The following DNAJC5B variants were observed in gnomAD, a reference collection of about 807,000 sequenced individuals.
DNAJC5B encodes DnaJ heat shock protein family (Hsp40) member C5 beta.
DNAJC5B carries 23 observed loss-of-function variants against 24.7 expected under a neutral mutation model. The observed-to-expected ratio is 0.93, with a 90% CI of 0.67 to 1.32. DNAJC5B has a LOEUF of 1.32. DNAJC5B is among the 40% of genes most tolerant of loss of function. The pLI, the probability that DNAJC5B is intolerant of heterozygous loss-of-function variation, is 0.00. For synonymous variants in DNAJC5B, 101 were observed against 90.1 expected, an observed-to-expected ratio of 1.12 and a Z score of -0.68; for missense variants, 238 against 240.8, an observed-to-expected ratio of 0.99 and a Z score of 0.08.
At chr8:66,083,007 T>TG (rs1258594516) in intron 5 of DNAJC5B, among the ~76,000 whole-genome samples, 1 of 126,160 alleles carries the variant, frequency 7.9e-6, no homozygotes, top group Non-Finnish European at 1.6e-5. Flanking sequence ...TCTTTTCTTT[T>TG]TTTTTTTTTT....
upstream of DNAJC5B, among the ~76,000 whole-genome samples, chr8:66,018,999 G>A (rs975659880): frequency 1.3e-5 from 2 of 152,180 alleles, no homozygotes; most frequent in African/African-American, 4.8e-5. Flanking sequence ...GCTTCTGTGT[G>A]CTCCAGGTGT....
intron 3 of DNAJC5B, among the ~76,000 whole-genome samples, chr8:66,056,314 G>T (rs1426330096): frequency 6.6e-6 from 1 of 152,126 alleles, no homozygotes; most frequent in Non-Finnish European, 1.5e-5. Context: ...CCAATTGAAA[G>T]CTCCCCATCA....
chr8:66,062,876 G>A (rs1807114506), intron 3 of DNAJC5B, among the ~76,000 whole-genome samples: 1 of 152,150 alleles, frequency 6.6e-6, no homozygotes, highest in Non-Finnish European at 1.5e-5. Context: ...CAGGCTTGGT[G>A]GCATGTGCCT....
intron 1 of DNAJC5B, among the ~76,000 whole-genome samples, chr8:66,026,248 G>T (rs2128955650): frequency 6.6e-6 from 1 of 150,560 alleles, no homozygotes; most frequent in East Asian, 1.9e-4. Flanking sequence ...GTATAAGAAT[G>T]CTTGTGATTT....
At chr8:66,041,373 AATTG>A (rs1206666928) in intron 1 of DNAJC5B, among the ~76,000 whole-genome samples, 7 of 152,188 alleles carry the variant, frequency 4.6e-5, no homozygotes, top group Admixed American at 2.0e-4. Flanking sequence ...ATATTCAAAT[AATTG>A]ATCTGGTACC....
chr8:66,050,525 T>C (rs1806822789), intron 2 of DNAJC5B, among the ~76,000 whole-genome samples: 1 of 152,114 alleles, frequency 6.6e-6, no homozygotes, highest in Non-Finnish European at 1.5e-5. Flanking sequence ...ATCTGATAGA[T>C]AGTTCTATAT....
intron 5 of DNAJC5B, among the ~76,000 whole-genome samples, chr8:66,088,445 G>A (rs749310850): frequency 9.2e-5 from 14 of 152,152 alleles, no homozygotes; most frequent in Admixed American, 2.0e-4. Flanking sequence ...TCAGCTTCTC[G>A]TTACTTATGC....
upstream of DNAJC5B, among the ~76,000 whole-genome samples, chr8:66,020,914 AG>A (rs947326040): frequency 7.9e-5 from 12 of 152,294 alleles, no homozygotes; most frequent in Non-Finnish European, 1.6e-4. Context: ...CTGGGATTAC[AG>A]GCATGAGCCA....
chr8:66,094,332 A>G (rs900824216), intron 5 of DNAJC5B, among the ~76,000 whole-genome samples: 1 of 152,058 alleles, frequency 6.6e-6, no homozygotes, highest in Admixed American at 6.5e-5. Context: ...TTCACCATTT[A>G]TTAGCTTTCA....
upstream of DNAJC5B, among the ~76,000 whole-genome samples, chr8:66,019,863 T>C (rs543978500): frequency 3.7e-4 from 57 of 152,384 alleles, no homozygotes; most frequent in Non-Finnish European, 6.5e-4. Flanking sequence ...ATAATGGTTC[T>C]CTTAGGAGAA....
intron 3 of DNAJC5B, among the ~76,000 whole-genome samples, chr8:66,064,667 C>T (rs1440057212): frequency 1.3e-5 from 2 of 152,156 alleles, no homozygotes; most frequent in Non-Finnish European, 2.9e-5. Flanking sequence ...GAGCTGTATG[C>T]AGCCTACAGA....
chr8:66,044,601 C>T lies in DNAJC5B; in HGVS notation c.-18+990C>T, dbSNP rs577827341. 3.9e-5 allele frequency among the ~76,000 whole-genome samples: 6 copies of T among 152,172 alleles called. No homozygotes were observed. The South Asian group carries it at 1.2e-3, about 32-fold the overall frequency. ...GCCTATTGTCATTGGGGGGTTGTAC[C>T]TTCTTTCAGTTACATCCATTATCAA... On this transcript the variant is annotated intron_variant, in intron 2 of 5. Transcript: ENST00000276570.
rs1806711100 is a variant in DNAJC5B, at chr8:66,045,845, C to T, written c.-18+2234C>T. Among the ~76,000 whole-genome samples, 4 of 152,178 alleles carry T rather than the reference C, an allele frequency of 2.6e-5. No individual in the cohort carries two copies. The South Asian group carries it at 8.3e-4, about 32-fold the overall frequency. ...GACAGGATTCAGGCACCCTCAACTC[C>T]AGAAACCTCGGAGTCTTCCTTTGTG... On this transcript the variant is annotated intron_variant, in intron 2 of 5. Transcript: ENST00000276570.
chr8:66,074,754 G>C (rs1444275280), intron 3 of DNAJC5B, among the ~76,000 whole-genome samples: 1 of 152,166 alleles, frequency 6.6e-6, no homozygotes, highest in Non-Finnish European at 1.5e-5. Flanking sequence ...GGCATTGCAC[G>C]ACCACCTCCT....
At chr8:66,082,291 C>G (rs1586110176) in intron 5 of DNAJC5B, among the ~76,000 whole-genome samples, 1 of 152,020 alleles carries the variant, frequency 6.6e-6, no homozygotes, top group Admixed American at 6.5e-5. Context: ...AAAACCAAAC[C>G]TAGGTATCCC....
chr8:66,092,883 T>C (rs1382673982), intron 5 of DNAJC5B, among the ~76,000 whole-genome samples: 2 of 152,172 alleles, frequency 1.3e-5, no homozygotes, highest in African/African-American at 2.4e-5. Flanking sequence ...GTATATTGTG[T>C]GACGCTGAAG....
intron 1 of DNAJC5B, among the ~76,000 whole-genome samples, chr8:66,037,454 C>T (rs566976221): frequency 3.5e-4 from 54 of 152,230 alleles, no homozygotes; most frequent in African/African-American, 1.3e-3. Context: ...GGAGAGGTGC[C>T]TTGCCAGAGG....
chr8:66,015,383 A>C, the DNAJC5B span, among the ~76,000 whole-genome samples: 2 of 152,138 alleles, frequency 1.3e-5, no homozygotes, highest in Non-Finnish European at 2.9e-5. Context: ...TTATGGCTTG[A>C]AAGGAAATGT....
intron 3 of DNAJC5B, among the ~76,000 whole-genome samples, chr8:66,070,873 A>G (rs1359426634): frequency 6.6e-6 from 1 of 152,228 alleles, no homozygotes; most frequent in African/African-American, 2.4e-5. Flanking sequence ...AATGGAACAG[A>G]ACAGAGGCCT....
Sources: gnomAD v4.1 joint callset for allele counts (sites outside exome capture counted in the v4.1 genomes callset) on GRCh38, gnomAD v4.1.1 for gene constraint, MANE v1.5 for transcripts, NCBI Gene and HGNC (gene_info 2026-07-23, HGNC 2026-07-21) for gene names.